Variants in ATP11C observed in about 807,000 individuals in gnomAD.
The protein encoded by ATP11C is phospholipid-transporting ATPase IG.
ATP11C carries 36 observed loss-of-function variants against 97.4 expected under a neutral mutation model. That is an observed-to-expected ratio of 0.37 (90% CI 0.28 to 0.49). ATP11C has a LOEUF of 0.49. ATP11C is among the 20% of genes least tolerant of loss of function. The pLI, the probability that ATP11C is intolerant of heterozygous loss-of-function variation, is 0.98. For missense variants in ATP11C, 730 were observed against 824.6 expected (o/e 0.89, Z 1.40); for synonymous variants, 275 against 290.9 (o/e 0.95, Z 0.56).
intron 1 of ATP11C, among the ~76,000 whole-genome samples, chrX:139,926,081 G>C (rs774335244): frequency 9.0e-6 from 1 of 111,165 alleles, no homozygotes; most frequent in South Asian, 3.9e-4. Flanking sequence ...AGTATGTTTT[G>C]TTTTACGATC....
At chrX:139,915,687 AT>A (rs2085144600) in intron 1 of ATP11C, among the ~76,000 whole-genome samples, 1 of 111,606 alleles carries the variant, frequency 9.0e-6, no homozygotes, top group African/African-American at 3.3e-5. Context: ...AGAAAAAAAA[AT>A]ATTTGATTAA....
intron 3 of ATP11C, among the ~76,000 whole-genome samples, chrX:139,817,692 T>C (rs776976829): frequency 8.9e-6 from 1 of 112,381 alleles, no homozygotes; most frequent in Admixed American, 9.4e-5. Flanking sequence ...TAGGAGGCTA[T>C]TGCTGTAATC....
At chrX:139,821,106 C>A (rs759107766) in intron 2 of ATP11C, among the ~76,000 whole-genome samples, 2 of 111,460 alleles carry the variant, frequency 1.8e-5, no homozygotes, top group South Asian at 7.5e-4. Flanking sequence ...CTTATGGGCT[C>A]AAAATTTAGG....
chrX:139,825,949 A>G (rs1200176573), intron 2 of ATP11C, among the ~76,000 whole-genome samples: 2 of 112,454 alleles, frequency 1.8e-5, no homozygotes, highest in African/African-American at 6.5e-5. Context: ...ACTGAGTACT[A>G]GGAGCTATAA....
intron 1 of ATP11C, among the ~76,000 whole-genome samples, chrX:139,911,134 A>G (rs2085067673): frequency 8.9e-6 from 1 of 111,758 alleles, no homozygotes; most frequent in Non-Finnish European, 1.9e-5. Flanking sequence ...AAATTTAACT[A>G]CATTAAAATT....
chrX:139,784,229 G>C (rs190920262), intron 16 of ATP11C, among the ~76,000 whole-genome samples: 7 of 111,451 alleles, frequency 6.3e-5, no homozygotes, highest in African/African-American at 2.0e-4. Context: ...AGAACATGTG[G>C]ACATGCACAC....
At chrX:139,751,918 G>A (rs1249917483) in intron 23 of ATP11C, among the ~76,000 whole-genome samples, 2 of 111,253 alleles carry the variant, frequency 1.8e-5, no homozygotes, top group Non-Finnish European at 3.8e-5. Context: ...AATGCCTAAT[G>A]TGCTTCTGGA....
At chrX:139,905,836 T>A (rs747408972) in intron 1 of ATP11C, among the ~76,000 whole-genome samples, 1 of 111,751 alleles carries the variant, frequency 8.9e-6, no homozygotes, top group African/African-American at 3.3e-5. Flanking sequence ...AGGGCAAAAA[T>A]GAATGGAAGA....
chrX:139,862,815 C>T (rs1432512285), intron 1 of ATP11C, among the ~76,000 whole-genome samples: 1 of 111,539 alleles, frequency 9.0e-6, no homozygotes, highest in Admixed American at 9.5e-5. Context: ...GAAAAGTGAA[C>T]CACTATGTAT....
intron 24 of ATP11C, among the ~76,000 whole-genome samples, chrX:139,748,611 T>C (rs2081743023): frequency 9.0e-6 from 1 of 111,321 alleles, no homozygotes; most frequent in South Asian, 3.8e-4. Flanking sequence ...AAGAGTGTAG[T>C]AGGAGCTGAT....
intron 24 of ATP11C, among the ~76,000 whole-genome samples, chrX:139,749,643 T>C (rs1010067697): frequency 8.9e-6 from 1 of 112,092 alleles, no homozygotes; most frequent in Non-Finnish European, 1.9e-5. Context: ...AAGGGTAATA[T>C]AACTTCATCA....
At chrX:139,893,807 T>C (rs931489566) in intron 1 of ATP11C, among the ~76,000 whole-genome samples, 2 of 111,517 alleles carry the variant, frequency 1.8e-5, no homozygotes, top group Admixed American at 9.6e-5. Context: ...GATGCCTATG[T>C]TCCTTCCATG....
At position 139,796,483 on chromosome X, in the gene ATP11C, A is replaced by C. The variant is rs900875061; in HGVS notation, c.1009-13T>G. 2.8e-6 allele frequency: 3 copies of C among 1,071,032 alleles called. No homozygotes were observed. Among genetic ancestry groups the C allele is most frequent in the Non-Finnish European group, 3.9e-6 (3 of 776,151 alleles). The allele number at this position is 1,071,032 out of a possible 1,213,427, so 88.3% of individuals were successfully genotyped here. A position where few individuals can be genotyped will look rare whatever the true frequency, so the allele number is the denominator to read the frequency against. ...ACATTTTTAAAACCTAAAATAAAAG[A>C]GATAGTTCATGCTAATTAGACATAC... is the stretch of plus-strand genomic sequence containing the variant. On this transcript the variant is annotated splice_polypyrimidine_tract_variant and intron_variant, in intron 11 of 29. Transcript: ENST00000682941.
chrX:139,797,865 T>C (rs2082835516), intron 10 of ATP11C, among the ~76,000 whole-genome samples: 1 of 111,662 alleles, frequency 9.0e-6, no homozygotes, highest in African/African-American at 3.3e-5. Context: ...ACTGCTTCAA[T>C]AGGTGCCAGG....
At chrX:139,906,641 G>C (rs773388592) in intron 1 of ATP11C, among the ~76,000 whole-genome samples, 134 of 108,865 alleles carry the variant, frequency 1.2e-3, no homozygotes, top group Non-Finnish European at 1.4e-3. Context: ...AATTAGCCCG[G>C]TGCCGTAGCA....
Position 139,775,092 on chromosome X carries a change from C to T in ATP11C, c.1953-139G>A, listed in dbSNP as rs1003012673. 3.5e-5 allele frequency: 20 copies of T among 576,944 alleles called. No individual in the cohort carries two copies. In the African/African-American group the frequency reaches 3.7e-4, roughly 11 times the overall value. 47.5% of individuals were successfully genotyped at this position (576,944 alleles called of 1,213,427 possible). A position where few individuals can be genotyped will look rare whatever the true frequency, so the allele number is the denominator to read the frequency against. ...CCTTATCACGGTTGACTTTCATATA[C>T]ATCCCCTACTCATTCTGAGTGTTGT... On this transcript the variant is annotated intron_variant, in intron 18 of 29. Coordinates refer to ENST00000682941, the MANE Select transcript of ATP11C (RefSeq NM_001353812.2).
chrX:139,833,403 G>A (rs1298943697), intron 1 of ATP11C, among the ~76,000 whole-genome samples: 3 of 111,645 alleles, frequency 2.7e-5, no homozygotes, highest in African/African-American at 9.8e-5. Context: ...GTTTCGGGGC[G>A]GGGGGCGCAT....
At chrX:139,752,889 A>G (rs2081852101) in intron 23 of ATP11C, among the ~76,000 whole-genome samples, 1 of 112,136 alleles carries the variant, frequency 8.9e-6, no homozygotes, top group African/African-American at 3.2e-5. Flanking sequence ...TTATCTGCTT[A>G]ACTGGCACTA....
At chrX:139,785,146 T>A (rs1040874778) in intron 16 of ATP11C, 80 bp downstream of exon 16, 2 of 749,343 alleles carry the variant, frequency 2.7e-6, no homozygotes, top group African/African-American at 4.2e-5. Flanking sequence ...CATGAAATGA[T>A]TCTCTTTCCT....
Sources: allele counts gnomAD v4.1 joint callset (sites outside exome capture counted in the v4.1 genomes callset), GRCh38; gene constraint gnomAD v4.1.1; transcripts MANE v1.5; gene names NCBI Gene and HGNC (gene_info 2026-07-23, HGNC 2026-07-21).